Variants in MEGF10 observed in about 807,000 individuals in gnomAD.
MEGF10 encodes multiple epidermal growth factor-like domains protein 10.
Under a neutral mutation model 147.5 loss-of-function variants are expected in MEGF10, and 86 were observed. That is an observed-to-expected ratio of 0.58 (90% CI 0.49 to 0.70). The LOEUF (loss-of-function observed/expected upper bound fraction) is 0.70. Among genes scored for constraint, MEGF10 ranks in the 30% least tolerant of loss-of-function variants. The pLI is 0.00. For missense variants in MEGF10, 1,329 were observed against 1,487.3 expected, an observed-to-expected ratio of 0.89 and a Z score of 1.75; for synonymous variants, 478 against 525.5, an observed-to-expected ratio of 0.91 and a Z score of 1.24.
At chr5:127,384,948 A>G (rs957620298) in intron 5 of MEGF10, among the ~76,000 whole-genome samples, 101 of 152,340 alleles carry the variant, frequency 6.6e-4, no homozygotes, top group African/African-American at 2.3e-3. Flanking sequence ...CCTGAAGCGC[A>G]AGGAATGAAA....
intron 13 of MEGF10, among the ~76,000 whole-genome samples, chr5:127,430,558 C>T (rs1765358347): frequency 6.6e-6 from 1 of 152,202 alleles, no homozygotes; most frequent in African/African-American, 2.4e-5. Context: ...ATTTCTTAGG[C>T]TCTTAGAATG....
At position 127,340,394 on chromosome 5, in the gene MEGF10, A is replaced by G. The variant is rs984744953; in HGVS notation, c.219-136A>G. ...AGATTGGCTTCAATAGGGAATCTTA[A>G]TATCTTCTTAGCAAATTGATGAGTT... On this transcript the variant is annotated intron_variant, in intron 3 of 24. Coordinates refer to ENST00000503335, the MANE Select transcript of MEGF10 (RefSeq NM_001256545.2). 10 of 569,400 alleles carry G rather than the reference A, an allele frequency of 1.8e-5. No individual in the cohort carries two copies. In the East Asian group the frequency reaches 2.3e-4, roughly 13 times the overall value. 35.3% of individuals were successfully genotyped at this position (569,400 alleles called of 1,614,324 possible). A position where few individuals can be genotyped will look rare whatever the true frequency, so the allele number is the denominator to read the frequency against.
At position 127,345,805 on chromosome 5, in the gene MEGF10, T is replaced by C. The variant is rs553515119; in HGVS notation, c.319+5175T>C. ...TTTGGTGCACCCATCAACCGAGTAA[T>C]GTACACTGTACCCAACGTCTAGTCT... On this transcript the variant is annotated intron_variant, in intron 4 of 24. Transcript: ENST00000503335. Among the ~76,000 whole-genome samples the C allele has an allele frequency of 1.4e-4, 21 of 152,306 alleles. No homozygotes were observed. The South Asian group carries it at 3.9e-3, about 29-fold the overall frequency.
the MEGF10 span, among the ~76,000 whole-genome samples, chr5:127,251,888 T>C: frequency 3.3e-5 from 5 of 151,948 alleles, no homozygotes; most frequent in Non-Finnish European, 7.4e-5. Flanking sequence ...TTGCATTATA[T>C]TAGCAAAGGA....
chr5:127,313,036 A>G (rs1290724185), intron 1 of MEGF10, among the ~76,000 whole-genome samples: 1 of 152,172 alleles, frequency 6.6e-6, no homozygotes, highest in Non-Finnish European at 1.5e-5. Flanking sequence ...AAGGAAATTA[A>G]TCTAAGAATT....
intron 4 of MEGF10, among the ~76,000 whole-genome samples, chr5:127,344,940 G>A (rs1561583837): frequency 6.6e-6 from 1 of 152,202 alleles, no homozygotes; most frequent in Admixed American, 6.5e-5. Flanking sequence ...TAGCAAGGCA[G>A]CCTAGTCAGG....
At chr5:127,243,233 C>A in the MEGF10 span, among the ~76,000 whole-genome samples, 1 of 152,074 alleles carries the variant, frequency 6.6e-6, no homozygotes, top group African/African-American at 2.4e-5. Context: ...TTTTCTACCT[C>A]GTGGTTGTTT....
chr5:127,309,796 G>A (rs1760182285), intron 1 of MEGF10, among the ~76,000 whole-genome samples: 1 of 151,254 alleles, frequency 6.6e-6, no homozygotes, highest in Non-Finnish European at 1.5e-5. Flanking sequence ...ATTCTTTTTT[G>A]GGTATATATA....
intron 4 of MEGF10, among the ~76,000 whole-genome samples, chr5:127,367,794 A>G (rs1377033959): frequency 4.6e-5 from 7 of 152,216 alleles, no homozygotes; most frequent in African/African-American, 1.2e-4. Context: ...AGCTGCAAAC[A>G]TAGATGCCAT....
At chr5:127,247,488 A>G in the MEGF10 span, among the ~76,000 whole-genome samples, 56 of 150,544 alleles carry the variant, frequency 3.7e-4, no homozygotes, top group Middle Eastern at 3.4e-3. Context: ...AGAAGAAGAA[A>G]AATTTAAAGA....
At chr5:127,247,337 AG>A in the MEGF10 span, among the ~76,000 whole-genome samples, 1 of 2,568 alleles carries the variant, frequency 3.9e-4, no homozygotes, top group Non-Finnish European at 8.7e-4. Flanking sequence ...AAGAAGAAGA[AG>A]AAGAAGAAGA....
intron 12 of MEGF10, among the ~76,000 whole-genome samples, chr5:127,421,558 T>C (rs1300788400): frequency 6.6e-6 from 1 of 152,072 alleles, no homozygotes; most frequent in African/African-American, 2.4e-5. Context: ...AACAATCATG[T>C]CTATGAGGAG....
chr5:127,348,710 C>T (rs1761985088), intron 4 of MEGF10, among the ~76,000 whole-genome samples: 1 of 152,136 alleles, frequency 6.6e-6, no homozygotes, highest in Non-Finnish European at 1.5e-5. Context: ...ATGTTTCATT[C>T]ATTGGTCTAA....
the MEGF10 span, among the ~76,000 whole-genome samples, chr5:127,264,683 A>G: frequency 1.3e-5 from 2 of 152,162 alleles, no homozygotes; most frequent in African/African-American, 2.4e-5. Context: ...AAATTTCAGG[A>G]TTGAATCTCA....
chr5:127,269,535 G>A, the MEGF10 span, among the ~76,000 whole-genome samples: 2 of 152,124 alleles, frequency 1.3e-5, no homozygotes, highest in Admixed American at 6.5e-5. Flanking sequence ...GAGAAGTTTA[G>A]AGAAAAAAGA....
At chr5:127,235,080 A>C in the MEGF10 span, among the ~76,000 whole-genome samples, 1 of 152,144 alleles carries the variant, frequency 6.6e-6, no homozygotes, top group Admixed American at 6.5e-5. Context: ...ATCTCACCTC[A>C]GGCAATCCAC....
At chr5:127,270,231 A>T in the MEGF10 span, among the ~76,000 whole-genome samples, 9 of 152,322 alleles carry the variant, frequency 5.9e-5, no homozygotes, top group Admixed American at 5.2e-4. Flanking sequence ...CACACATAAC[A>T]ATATTAACCT....
intron 5 of MEGF10, among the ~76,000 whole-genome samples, chr5:127,388,858 C>A (rs1763540383): frequency 6.6e-6 from 1 of 152,116 alleles, no homozygotes; most frequent in South Asian, 2.1e-4. Context: ...TTTATTTTTT[C>A]TTTGAGAAAT....
chr5:127,271,354 T>C, the MEGF10 span, among the ~76,000 whole-genome samples: 1 of 152,216 alleles, frequency 6.6e-6, no homozygotes, highest in Non-Finnish European at 1.5e-5. Context: ...CACATGTATG[T>C]CTTCTTTTCA....
Sources: allele counts gnomAD v4.1 joint callset (sites outside exome capture counted in the v4.1 genomes callset), GRCh38; gene constraint gnomAD v4.1.1; transcripts MANE v1.5; gene names NCBI Gene and HGNC (gene_info 2026-07-23, HGNC 2026-07-21).